Variants in CTNND2 observed in about 807,000 individuals in gnomAD.
The protein encoded by CTNND2 is catenin delta-2.
CTNND2 carries 22 observed loss-of-function variants against 144.4 expected under a neutral mutation model. That is an observed-to-expected ratio of 0.15 (90% CI 0.11 to 0.22). The LOEUF is 0.22. Ranked by LOEUF, CTNND2 falls within the 10% of genes least tolerant of loss-of-function variation. The probability of loss-of-function intolerance (pLI) is 1.00; values close to 1 mark genes in which losing one functional copy is unlikely to be tolerated. For synonymous variants in CTNND2, 751 were observed against 695.6 expected (o/e 1.08, Z -1.25); for missense variants, 1,353 against 1,618.8 (o/e 0.84, Z 2.82).
intron 9 of CTNND2, among the ~76,000 whole-genome samples, chr5:11,250,297 G>A (rs1056673733): frequency 7.3e-5 from 11 of 151,710 alleles, no homozygotes; most frequent in Non-Finnish European, 8.8e-5. Context: ...AAAAAATAAC[G>A]TTGATTTCAA....
chr5:11,588,435 C>T (rs1053433393), intron 2 of CTNND2, among the ~76,000 whole-genome samples: 2 of 151,990 alleles, frequency 1.3e-5, no homozygotes, highest in African/African-American at 4.8e-5. Flanking sequence ...ATATCTATGA[C>T]ACACCAAGTC....
intron 9 of CTNND2, among the ~76,000 whole-genome samples, chr5:11,302,840 T>C (rs994951431): frequency 1.3e-5 from 2 of 152,332 alleles, no homozygotes; most frequent in African/African-American, 2.4e-5. Context: ...CAATGCCTGG[T>C]AGGTTTCACA....
At chr5:11,386,344 C>G (rs747284244) in intron 6 of CTNND2, among the ~76,000 whole-genome samples, 1 of 151,920 alleles carries the variant, frequency 6.6e-6, no homozygotes, top group African/African-American at 2.4e-5. Context: ...CCAGAGAGAT[C>G]GAGGGAAGGG....
At chr5:11,108,645 A>T (rs1010417424) in intron 14 of CTNND2, among the ~76,000 whole-genome samples, 1 of 152,188 alleles carries the variant, frequency 6.6e-6, no homozygotes, top group East Asian at 1.9e-4. Context: ...AAATAACTTT[A>T]AATTGATTTA....
At chr5:11,010,084 A>G (rs1351757987) in intron 18 of CTNND2, among the ~76,000 whole-genome samples, 4 of 152,238 alleles carry the variant, frequency 2.6e-5, no homozygotes, top group Non-Finnish European at 5.9e-5. Flanking sequence ...AGGAGCTACA[A>G]TTGCAAACCT....
At chr5:11,692,526 A>C (rs1421668238) in intron 2 of CTNND2, among the ~76,000 whole-genome samples, 1 of 152,246 alleles carries the variant, frequency 6.6e-6, no homozygotes, top group Admixed American at 6.5e-5. Context: ...GAGGATGTGG[A>C]ATAGCTCAAG....
rs112796032 is a variant in CTNND2, at chr5:11,877,576, C to T, written c.37+26241G>A. 5.2e-3 allele frequency among the ~76,000 whole-genome samples: 796 copies of T among 152,194 alleles called. 5 individuals carry two copies. Among genetic ancestry groups the T allele is most frequent in the African/African-American group, 0.018 (756 of 41,544 alleles). On this transcript the variant is annotated intron_variant, in intron 1 of 21. Transcript: ENST00000304623. Reference sequence around the variant, plus strand: ...AAGCTGTGTTACCAATATTTGAATACGCTTGAAGATTAACTCTGATATTTA... The same window carrying T: ...AAGCTGTGTTACCAATATTTGAATATGCTTGAAGATTAACTCTGATATTTA...
At chr5:11,565,217 T>C (rs2150107688) in intron 2 of CTNND2, among the ~76,000 whole-genome samples, 161 bp from the exon 3 acceptor site, 1 of 152,394 alleles carries the variant, frequency 6.6e-6, no homozygotes, top group East Asian at 1.9e-4. Flanking sequence ...GACAGGCTTG[T>C]GGCCCACTGG....
intron 3 of CTNND2, among the ~76,000 whole-genome samples, chr5:11,436,820 T>C (rs1274156904): frequency 6.6e-6 from 1 of 152,224 alleles, no homozygotes; most frequent in African/African-American, 2.4e-5. Context: ...AAAGATAAAT[T>C]CAATGAAAAT....
chr5:11,022,933 G>A lies in CTNND2; in HGVS notation c.2835C>T (p.Asn945=), dbSNP rs1160860683. 8.1e-6 allele frequency: 13 copies of A among 1,614,202 alleles called. No homozygotes were observed. Among genetic ancestry groups the A allele is most frequent in the Non-Finnish European group, 1.1e-5 (13 of 1,180,024 alleles). ...CCTTGCTTGCAGTGTTGTTGCTGTT[G>A]TTCCCTCCTGGAAGCCTGTGGACTA... ...RDLVHRLPGG[N]NSNNTASKAM... The change falls in exon 17 of 22, where the codon AAC becomes AAT. Residue 945 remains asparagine, a synonymous_variant. Transcript: ENST00000304623.
At chr5:11,603,250 A>G (rs9312779) in intron 2 of CTNND2, among the ~76,000 whole-genome samples, 57,592 of 151,756 alleles carry the variant, frequency 0.38, 11,763 homozygotes, top group Middle Eastern at 0.63. Context: ...TTAGTATATT[A>G]AAATGTTGCC....
intron 3 of CTNND2, among the ~76,000 whole-genome samples, chr5:11,522,923 T>C (rs1772878367): frequency 6.6e-6 from 1 of 152,234 alleles, no homozygotes; most frequent in Non-Finnish European, 1.5e-5. Flanking sequence ...TTTGAATTAC[T>C]GTTAAAGTCA....
chr5:11,810,616 A>G (rs1792277458), intron 1 of CTNND2, among the ~76,000 whole-genome samples: 1 of 152,212 alleles, frequency 6.6e-6, no homozygotes, highest in Non-Finnish European at 1.5e-5. Context: ...GCATGTCAGA[A>G]AAATCATTAT....
chr5:11,094,198 C>T (rs943587104), intron 15 of CTNND2, among the ~76,000 whole-genome samples: 15 of 152,144 alleles, frequency 9.9e-5, no homozygotes, highest in African/African-American at 3.6e-4. Context: ...GACTGACATC[C>T]TAAGAGGCAA....
At chr5:11,536,644 A>G (rs1219193048) in intron 3 of CTNND2, among the ~76,000 whole-genome samples, 2 of 152,106 alleles carry the variant, frequency 1.3e-5, no homozygotes, top group Admixed American at 6.5e-5. Context: ...CAAACATTGT[A>G]TGTTCTCACT....
At chr5:11,788,380 T>A (rs926061308) in intron 1 of CTNND2, among the ~76,000 whole-genome samples, 1 of 152,202 alleles carries the variant, frequency 6.6e-6, no homozygotes, top group Non-Finnish European at 1.5e-5. Context: ...CATAACTTTA[T>A]CTCACATTTT....
At chr5:11,107,555 A>G (rs1229243885) in intron 14 of CTNND2, among the ~76,000 whole-genome samples, 1 of 152,222 alleles carries the variant, frequency 6.6e-6, no homozygotes, top group Admixed American at 6.5e-5. Flanking sequence ...CCTTCAGTGC[A>G]AAGAATTTGT....
intron 9 of CTNND2, among the ~76,000 whole-genome samples, chr5:11,310,673 C>CCCCAG (rs1697527647): frequency 6.6e-6 from 1 of 151,772 alleles, no homozygotes; most frequent in African/African-American, 2.4e-5. Context: ...CTCTGCCTTT[C>CCCCAG]CCCAGCGGCA....
intron 9 of CTNND2, among the ~76,000 whole-genome samples, chr5:11,289,991 C>G (rs897937877): frequency 6.6e-6 from 1 of 152,136 alleles, no homozygotes; most frequent in Non-Finnish European, 1.5e-5. Flanking sequence ...ACCAGGATCA[C>G]GCAGCATCAG....
Sources: allele counts gnomAD v4.1 joint callset (sites outside exome capture counted in the v4.1 genomes callset), GRCh38; gene constraint gnomAD v4.1.1; transcripts MANE v1.5; gene names NCBI Gene and HGNC (gene_info 2026-07-23, HGNC 2026-07-21).